Variants in XRCC5 observed in about 807,000 individuals in gnomAD.
XRCC5 encodes the protein DNA repair protein Ku80.
XRCC5 carries 12 observed loss-of-function variants against 95.7 expected under a neutral mutation model. The ratio of observed to expected loss-of-function variants is 0.13; its 90% CI spans 0.08 to 0.20. The LOEUF is 0.20. Ranked by LOEUF, XRCC5 falls within the 10% of genes least tolerant of loss-of-function variation. The probability of loss-of-function intolerance (pLI) is 1.00; values close to 1 mark genes in which losing one functional copy is unlikely to be tolerated. For missense variants in XRCC5, 595 were observed against 873.9 expected, an observed-to-expected ratio of 0.68 and a Z score of 4.02; for synonymous variants, 281 against 290.3, an observed-to-expected ratio of 0.97 and a Z score of 0.33.
intron 16 of XRCC5, among the ~76,000 whole-genome samples, chr2:216,188,268 TCAAAC>T (rs1285771328): frequency 2.0e-5 from 3 of 152,210 alleles, no homozygotes; most frequent in Non-Finnish European, 2.9e-5. Context: ...TTTTAAAAAT[TCAAAC>T]CAATTAATAT....
chr2:216,116,269 C>T (rs1336306234), intron 2 of XRCC5, among the ~76,000 whole-genome samples: 2 of 152,032 alleles, frequency 1.3e-5, no homozygotes, highest in Non-Finnish European at 2.9e-5. Flanking sequence ...GGCTATCCTG[C>T]ACTTTTTTTT....
At chr2:216,160,940 C>T (rs1042334294) in intron 15 of XRCC5, among the ~76,000 whole-genome samples, 3 of 152,018 alleles carry the variant, frequency 2.0e-5, no homozygotes, top group African/African-American at 7.3e-5. Flanking sequence ...GCAATCCTCC[C>T]GCTTCAGCCT....
chr2:216,187,998 A>G (rs1574430404), intron 16 of XRCC5, among the ~76,000 whole-genome samples: 1 of 151,626 alleles, frequency 6.6e-6, no homozygotes, highest in East Asian at 1.9e-4. Context: ...CTGTACCCCT[A>G]CCTCAGGACT....
At chr2:216,176,846 A>G (rs945970266) in intron 16 of XRCC5, among the ~76,000 whole-genome samples, 1 of 152,194 alleles carries the variant, frequency 6.6e-6, no homozygotes, top group Non-Finnish European at 1.5e-5. Flanking sequence ...AAAGCTATAC[A>G]TTTCCTGCTA....
At chr2:216,119,325 C>T (rs1428821479) in intron 5 of XRCC5, among the ~76,000 whole-genome samples, 160 bp downstream of exon 5, 2 of 152,208 alleles carry the variant, frequency 1.3e-5, no homozygotes, top group Non-Finnish European at 2.9e-5. Flanking sequence ...TTGCTGGTTA[C>T]TCTCTGTGTT....
rs753635907 is a variant in XRCC5 at position 216,194,989 on chromosome 2, A to G, written c.2109+3A>G. The G allele has an allele frequency of 4.3e-6, 7 of 1,613,798 alleles. No individual in the cohort carries two copies. In the Admixed American group the frequency reaches 1.2e-4, roughly 27 times the overall value. On this transcript the variant is annotated splice_donor_region_variant and intron_variant, in intron 19 of 20. Coordinates refer to ENST00000392132, the MANE Select transcript of XRCC5 (RefSeq NM_021141.4). ...TCACAGCTGAGGAAGCCAAAAAGGTATTGAGGGGTAAACCTTTGTCTTTAG... is the reference window on the plus strand; with the variant it reads ...TCACAGCTGAGGAAGCCAAAAAGGTGTTGAGGGGTAAACCTTTGTCTTTAG...
Position 216,205,354 on chromosome 2 carries a change from G to A in XRCC5, c.*152G>A. The A allele has an allele frequency of 1.2e-6, 1 of 825,050 alleles. No individual in the cohort carries two copies. 51.1% of individuals were successfully genotyped at this position (825,050 alleles called of 1,614,324 possible). A position where few individuals can be genotyped will look rare whatever the true frequency, so the allele number is the denominator to read the frequency against. On this transcript the variant is annotated 3_prime_UTR_variant, in exon 21 of 21. Coordinates refer to ENST00000392132, the MANE Select transcript of XRCC5 (RefSeq NM_021141.4). ...GAGGCGGATCATCTAATTCTCTGTG[G>A]AATGAATACACACATATATATTACA...
intron 1 of XRCC5, chr2:216,111,298 G>T: frequency 2.7e-6 from 1 of 376,758 alleles, no homozygotes; most frequent in Non-Finnish European, 5.4e-6. Flanking sequence ...GAGGTGGGAG[G>T]ATTGCTTAAG....
intron 16 of XRCC5, among the ~76,000 whole-genome samples, chr2:216,186,397 G>A (rs965780391): frequency 6.6e-5 from 10 of 152,100 alleles, no homozygotes; most frequent in Admixed American, 3.9e-4. Flanking sequence ...AGAAAACTTC[G>A]CCATTTTCCT....
intron 3 of XRCC5, 167 bp downstream of exon 3, chr2:216,117,009 G>A (rs1696709544): frequency 7.1e-6 from 5 of 704,226 alleles, no homozygotes; most frequent in Non-Finnish European, 1.2e-5. Flanking sequence ...AAATTAATCA[G>A]TTTAAAACAG....
chr2:216,187,852 CTCTCT>C (rs1689533307), intron 16 of XRCC5, among the ~76,000 whole-genome samples: 1 of 138,330 alleles, frequency 7.2e-6, no homozygotes, highest in African/African-American at 3.0e-5. Context: ...CTCTCTCTCT[CTCTCT>C]CTCTCCCCGT....
intron 14 of XRCC5, chr2:216,156,243 TC>T: frequency 2.1e-6 from 1 of 486,334 alleles, no homozygotes; most frequent in Non-Finnish European, 4.0e-6. Context: ...AGGTTAAGTT[TC>T]CTTTCAGTCA....
rs1321037486 is a variant in XRCC5, at chr2:216,205,485, G to A, written c.*283G>A. Reference sequence around the variant, plus strand: ...ACTGATCTTTGTATATTACATACATGCTTTGAAGTTTCTGGAAAGTAGATC... The same window carrying A: ...ACTGATCTTTGTATATTACATACATACTTTGAAGTTTCTGGAAAGTAGATC... On this transcript the variant is annotated 3_prime_UTR_variant, in exon 21 of 21. Transcript: ENST00000392132. 4.6e-6 allele frequency: 2 copies of A among 435,478 alleles called. No individual in the cohort carries two copies. The highest frequency in any genetic ancestry group is 3.9e-5 in the Admixed American group (1 of 25,438). 27.0% of individuals were successfully genotyped at this position (435,478 alleles called of 1,614,324 possible).
intron 7 of XRCC5, among the ~76,000 whole-genome samples, chr2:216,126,327 A>C (rs1046461110): frequency 1.3e-5 from 2 of 152,162 alleles, no homozygotes; most frequent in Admixed American, 1.3e-4. Flanking sequence ...AAAGAAAGAA[A>C]ATGAAATGCA....
In XRCC5 at chr2:216,169,328, A is replaced by G. The variant is rs536378526; in HGVS notation, c.1834+7280A>G. On this transcript the variant is annotated intron_variant, in intron 16 of 20. Coordinates refer to ENST00000392132, the MANE Select transcript of XRCC5 (RefSeq NM_021141.4). Reference sequence around the variant, plus strand: ...TATTACAGTTAGACCCTGTACATCAAAAGGTCTTTTCAGGACACAGCATGC... The same window carrying G: ...TATTACAGTTAGACCCTGTACATCAGAAGGTCTTTTCAGGACACAGCATGC... Among the ~76,000 whole-genome samples the G allele has an allele frequency of 5.9e-5, 9 of 152,368 alleles. 1 individual carries two copies. Among genetic ancestry groups the G allele is most frequent in the Admixed American group, 5.9e-4 (9 of 15,302 alleles).
intron 14 of XRCC5, chr2:216,156,270 G>A: frequency 1.9e-6 from 1 of 531,394 alleles, no homozygotes; most frequent in Admixed American, 2.3e-5. Flanking sequence ...AGGAGAATCA[G>A]CATGACCAAG....
chr2:216,154,456 C>T (rs1013576764), intron 14 of XRCC5, among the ~76,000 whole-genome samples: 11 of 152,162 alleles, frequency 7.2e-5, no homozygotes, highest in African/African-American at 1.9e-4. Flanking sequence ...TTAATAGCAT[C>T]GCCCACTGCC....
intron 19 of XRCC5, among the ~76,000 whole-genome samples, chr2:216,201,400 CTG>C (rs771794885): frequency 1.6e-4 from 24 of 152,154 alleles, no homozygotes; most frequent in Non-Finnish European, 2.9e-4. Flanking sequence ...CAGTAAGGGT[CTG>C]AGCACAAGAT....
At chr2:216,129,784 C>G (rs546241067) in intron 8 of XRCC5, among the ~76,000 whole-genome samples, 13 of 152,216 alleles carry the variant, frequency 8.5e-5, no homozygotes, top group Non-Finnish European at 1.8e-4. Flanking sequence ...AGTGATTCTC[C>G]TGCCTCAGCC....
Sources: gnomAD v4.1 joint callset for allele counts (sites outside exome capture counted in the v4.1 genomes callset) on GRCh38, gnomAD v4.1.1 for gene constraint, MANE v1.5 for transcripts, NCBI Gene and HGNC (gene_info 2026-07-23, HGNC 2026-07-21) for gene names.